The following DOK6 variants were observed in gnomAD, a reference collection of about 807,000 sequenced individuals.
DOK6 encodes downstream of tyrosine kinase 6.
A neutral mutation model predicts 44.0 loss-of-function variants in DOK6; 22 were observed. The ratio of observed to expected loss-of-function variants is 0.50; its 90% CI spans 0.36 to 0.71. The LOEUF is 0.71. Among genes scored for constraint, DOK6 ranks in the 30% least tolerant of loss-of-function variants. The pLI is 0.00. For missense variants in DOK6, 340 were observed against 416.4 expected, an observed-to-expected ratio of 0.82 and a Z score of 1.60; for synonymous variants, 166 against 145.5, an observed-to-expected ratio of 1.14 and a Z score of -1.01.
intron 2 of DOK6, among the ~76,000 whole-genome samples, chr18:69,586,278 G>A (rs1341738243): frequency 6.6e-6 from 1 of 152,114 alleles, no homozygotes; most frequent in Non-Finnish European, 1.5e-5. Context: ...GTATAAAGGA[G>A]CTTTTTGACA....
chr18:69,544,690 A>C (rs1982355469), intron 1 of DOK6, among the ~76,000 whole-genome samples: 1 of 151,542 alleles, frequency 6.6e-6, no homozygotes, highest in Non-Finnish European at 1.5e-5. Context: ...CTGGATCCAT[A>C]AAATAAAAAC....
chr18:69,612,167 A>G (rs1045322947), intron 3 of DOK6, among the ~76,000 whole-genome samples: 1 of 151,966 alleles, frequency 6.6e-6, no homozygotes, highest in African/African-American at 2.4e-5. Flanking sequence ...CAAAAAGTAA[A>G]TTAGGTATAT....
At chr18:69,743,052 G>A (rs548086801) in intron 6 of DOK6, among the ~76,000 whole-genome samples, 1 of 152,272 alleles carries the variant, frequency 6.6e-6, no homozygotes, top group Admixed American at 6.5e-5. Context: ...ATCAGAAACT[G>A]GTCTTGGCAG....
chr18:69,408,838 G>T (rs1462821653), intron 1 of DOK6, among the ~76,000 whole-genome samples: 1 of 152,016 alleles, frequency 6.6e-6, no homozygotes, highest in Non-Finnish European at 1.5e-5. Flanking sequence ...GCTTTAAAGG[G>T]GGCTTAAATC....
chr18:69,716,605 A>G (rs897549254), intron 5 of DOK6, among the ~76,000 whole-genome samples: 1 of 149,836 alleles, frequency 6.7e-6, no homozygotes, highest in East Asian at 2.0e-4. Context: ...TTGTTTCAGA[A>G]CCCTTATTGC....
chr18:69,561,235 C>T (rs78294629), intron 1 of DOK6, among the ~76,000 whole-genome samples: 3,419 of 152,182 alleles, frequency 0.022, 123 homozygotes, highest in African/African-American at 0.076. Context: ...GGTTGCACAG[C>T]TAGTAAGTGG....
In DOK6 at chr18:69,401,111, G is replaced by C; in HGVS notation, c.-134G>C. 1.2e-6 allele frequency: 1 copy of C among 868,176 alleles called. No homozygotes were observed. 53.8% of individuals were successfully genotyped at this position (868,176 alleles called of 1,614,324 possible). ...CCCGCGTCCCCACCGGCGGGAGCTC[G>C]GGGAAGAGCGGGCGGCGGCGCTGCT... On this transcript the variant is annotated 5_prime_UTR_variant, in exon 1 of 8. Coordinates refer to ENST00000382713, the MANE Select transcript of DOK6 (RefSeq NM_152721.6).
At chr18:69,655,001 T>G (rs1010144925) in intron 3 of DOK6, among the ~76,000 whole-genome samples, 23 of 152,174 alleles carry the variant, frequency 1.5e-4, no homozygotes, top group African/African-American at 4.6e-4. Flanking sequence ...GAGGCTACAG[T>G]GAGCCATGAC....
At chr18:69,756,260 A>T (rs1979351242) in intron 6 of DOK6, among the ~76,000 whole-genome samples, 1 of 152,172 alleles carries the variant, frequency 6.6e-6, no homozygotes, top group African/African-American at 2.4e-5. Flanking sequence ...GCACTACTCT[A>T]TGATAACCCA....
At chr18:69,546,724 C>T (rs1482941030) in intron 1 of DOK6, among the ~76,000 whole-genome samples, 2 of 151,440 alleles carry the variant, frequency 1.3e-5, no homozygotes, top group Non-Finnish European at 3.0e-5. Context: ...TATTTTGTTA[C>T]ATGCATGGCA....
At chr18:69,834,648 T>C (rs1025901518) in intron 7 of DOK6, among the ~76,000 whole-genome samples, 23 of 152,192 alleles carry the variant, frequency 1.5e-4, no homozygotes, top group African/African-American at 5.5e-4. Context: ...TCTCAAAATA[T>C]ATGCAACTGT....
intron 1 of DOK6, among the ~76,000 whole-genome samples, chr18:69,418,481 G>T (rs1003865761): frequency 2.0e-5 from 3 of 152,078 alleles, no homozygotes; most frequent in African/African-American, 7.2e-5. Flanking sequence ...CCTTTTTAGA[G>T]ATAGGGCCTT....
intron 1 of DOK6, among the ~76,000 whole-genome samples, chr18:69,443,375 C>G (rs1979189398): frequency 2.0e-5 from 3 of 152,138 alleles, no homozygotes; most frequent in African/African-American, 7.2e-5. Flanking sequence ...TGAAACCCAG[C>G]TCCAGCACTT....
At position 69,818,616 on chromosome 18, in the gene DOK6, G is replaced by C. The variant is rs149427150; in HGVS notation, c.857-22628G>C. On this transcript the variant is annotated intron_variant, in intron 7 of 7. Coordinates refer to ENST00000382713, the MANE Select transcript of DOK6 (RefSeq NM_152721.6). ...ACCTAGGATAATCTTCCTCATAACGGACCTTAATCACCTACAAAATACCTT... is the reference window on the plus strand; with the variant it reads ...ACCTAGGATAATCTTCCTCATAACGCACCTTAATCACCTACAAAATACCTT... 3.9e-5 allele frequency among the ~76,000 whole-genome samples: 6 copies of C among 152,198 alleles called. No homozygotes were observed. The East Asian group carries it at 1.2e-3, about 29-fold the overall frequency.
chr18:69,796,544 A>C (rs141335221), intron 7 of DOK6, among the ~76,000 whole-genome samples: 1 of 152,192 alleles, frequency 6.6e-6, no homozygotes, highest in Non-Finnish European at 1.5e-5. Context: ...CCTATCCTTA[A>C]AAATAGAGTG....
intron 3 of DOK6, among the ~76,000 whole-genome samples, chr18:69,637,031 C>A (rs1047605255): frequency 1.3e-5 from 2 of 152,150 alleles, no homozygotes; most frequent in Non-Finnish European, 2.9e-5. Flanking sequence ...AGCACCATCT[C>A]CCCACCGCCA....
In DOK6 at chr18:69,554,037, G is replaced by A. The variant is rs1346856121; in HGVS notation, c.67-10450G>A. Among the ~76,000 whole-genome samples, 4 of 152,212 alleles carry A rather than the reference G, an allele frequency of 2.6e-5. No individual in the cohort carries two copies. The East Asian group carries it at 7.7e-4, about 29-fold the overall frequency. ...TATCACTTTTTCTTACAAATAGGGA[G>A]CAATAATAAGGAGAAAACCAAAAAT... On this transcript the variant is annotated intron_variant, in intron 1 of 7. Coordinates refer to ENST00000382713, the MANE Select transcript of DOK6 (RefSeq NM_152721.6).
intron 1 of DOK6, among the ~76,000 whole-genome samples, chr18:69,479,187 C>G (rs1980351933): frequency 6.6e-6 from 1 of 151,858 alleles, no homozygotes; most frequent in South Asian, 2.1e-4. Flanking sequence ...GGGTATTTGC[C>G]AGAGGGAGGA....
intron 1 of DOK6, among the ~76,000 whole-genome samples, chr18:69,527,585 A>T (rs1406070801): frequency 6.6e-6 from 1 of 152,144 alleles, no homozygotes; most frequent in Non-Finnish European, 1.5e-5. Flanking sequence ...TCAAGATGAG[A>T]TTTGGGTGGG....
Sources: gnomAD v4.1 joint callset for allele counts (sites outside exome capture counted in the v4.1 genomes callset) on GRCh38, gnomAD v4.1.1 for gene constraint, MANE v1.5 for transcripts, NCBI Gene and HGNC (gene_info 2026-07-23, HGNC 2026-07-21) for gene names.